ZFAT: variants seen among roughly 807,000 people sequenced by gnomAD.
ZFAT encodes the protein zinc finger protein ZFAT.
Under a neutral mutation model 117.7 loss-of-function variants are expected in ZFAT, and 64 were observed. The ratio of observed to expected loss-of-function variants is 0.54; its 90% CI spans 0.44 to 0.67. The LOEUF (loss-of-function observed/expected upper bound fraction) is 0.67. ZFAT is among the 30% of genes least tolerant of loss of function. ZFAT has a pLI of 0.00. For missense variants in ZFAT, 1,433 were observed against 1,584.5 expected (o/e 0.90, Z 1.62); for synonymous variants, 679 against 615.0 (o/e 1.10, Z -1.54).
At chr8:134,553,752 T>C (rs757939899) in intron 11 of ZFAT, among the ~76,000 whole-genome samples, 10 of 152,342 alleles carry the variant, frequency 6.6e-5, no homozygotes, top group East Asian at 1.9e-4. Flanking sequence ...ACTTCCTGAC[T>C]AATCACAATG....
chr8:134,796,923 T>C, the ZFAT span: 1 of 152,212 alleles, frequency 6.6e-6, no homozygotes, highest in East Asian at 1.9e-4. Flanking sequence ...CATCTAATCA[T>C]GACATTGTAT....
At chr8:134,687,439 T>A (rs556845702) in intron 1 of ZFAT, among the ~76,000 whole-genome samples, 1 of 152,376 alleles carries the variant, frequency 6.6e-6, no homozygotes, top group Non-Finnish European at 1.5e-5. Context: ...TTCTTTTAAG[T>A]TATTTTTAAG....
chr8:134,491,526 A>C (rs1818056444), intron 15 of ZFAT, among the ~76,000 whole-genome samples: 1 of 152,240 alleles, frequency 6.6e-6, no homozygotes. Context: ...CTGAGCTAAA[A>C]TCAACATTTC....
chr8:134,777,730 G>T, the ZFAT span, among the ~76,000 whole-genome samples: 1 of 152,088 alleles, frequency 6.6e-6, no homozygotes, highest in Admixed American at 6.5e-5. Flanking sequence ...TATGTAGAAA[G>T]GAAAATTTAG....
At chr8:134,824,722 T>C in the ZFAT span, among the ~76,000 whole-genome samples, 2 of 152,182 alleles carry the variant, frequency 1.3e-5, no homozygotes, top group East Asian at 3.8e-4. Flanking sequence ...GAACTAATCA[T>C]ATAGCATGAG....
At chr8:134,808,509 G>A in the ZFAT span, among the ~76,000 whole-genome samples, 1 of 152,200 alleles carries the variant, frequency 6.6e-6, no homozygotes, top group Non-Finnish European at 1.5e-5. Context: ...AGTACCTGGT[G>A]ACTCTGAAGA....
chr8:134,536,736 A>G (rs1821869777), intron 11 of ZFAT, among the ~76,000 whole-genome samples: 1 of 152,240 alleles, frequency 6.6e-6, no homozygotes, highest in Admixed American at 6.5e-5. Flanking sequence ...AATGAGGCAG[A>G]TTTGTGATTC....
chr8:134,641,474 G>A (rs1012621647), intron 2 of ZFAT, among the ~76,000 whole-genome samples: 1 of 152,088 alleles, frequency 6.6e-6, no homozygotes, highest in African/African-American at 2.4e-5. Context: ...CCTCCTCCAT[G>A]AGGTGTCCCC....
intron 11 of ZFAT, among the ~76,000 whole-genome samples, chr8:134,540,539 C>T (rs1256419574): frequency 6.6e-6 from 1 of 152,222 alleles, no homozygotes; most frequent in Non-Finnish European, 1.5e-5. Flanking sequence ...GGCTGCCTGC[C>T]TGCAGCATGC....
chr8:134,680,872 C>G (rs1431491622), intron 1 of ZFAT, among the ~76,000 whole-genome samples: 1 of 152,124 alleles, frequency 6.6e-6, no homozygotes, highest in Non-Finnish European at 1.5e-5. Flanking sequence ...ATGTAAACCA[C>G]TTTTGGGTAA....
intron 12 of ZFAT, 54 bp downstream of exon 12, chr8:134,532,780 G>A (rs1821516658): frequency 1.9e-6 from 3 of 1,591,740 alleles, no homozygotes; most frequent in Admixed American, 1.7e-5. Flanking sequence ...CCCAATGGGG[G>A]ACTTGGCCTA....
At chr8:134,582,929 A>G (rs1400259126) in intron 10 of ZFAT, among the ~76,000 whole-genome samples, 1 of 152,236 alleles carries the variant, frequency 6.6e-6, no homozygotes, top group Non-Finnish European at 1.5e-5. Context: ...ATAACAATAC[A>G]TTTATAAAGT....
the ZFAT span, among the ~76,000 whole-genome samples, chr8:134,733,477 C>G: frequency 6.6e-6 from 1 of 152,208 alleles, no homozygotes. Flanking sequence ...GATGAATGGG[C>G]GAGGCCCTGG....
intron 1 of ZFAT, among the ~76,000 whole-genome samples, chr8:134,669,505 C>T (rs1353601259): frequency 6.6e-5 from 10 of 152,144 alleles, no homozygotes; most frequent in Non-Finnish European, 7.3e-5. Context: ...CCAAACTAAG[C>T]TTCATAAGTG....
rs1411226536 is a variant in ZFAT at position 134,478,358 on chromosome 8, G to A, written c.*124C>T. 2.1e-6 allele frequency: 3 copies of A among 1,408,404 alleles called. No homozygotes were observed. Among genetic ancestry groups the A allele is most frequent in the Non-Finnish European group, 2.8e-6 (3 of 1,062,550 alleles). 87.2% of individuals were successfully genotyped at this position (1,408,404 alleles called of 1,614,324 possible). A position where few individuals can be genotyped will look rare whatever the true frequency, so the allele number is the denominator to read the frequency against. ...TGGACTAGGAGAGTCCTATCAGGCTGCTGGGCAGGGAGGGCAAAGGAGAGC... is the reference window on the plus strand; with the variant it reads ...TGGACTAGGAGAGTCCTATCAGGCTACTGGGCAGGGAGGGCAAAGGAGAGC... On this transcript the variant is annotated 3_prime_UTR_variant, in exon 16 of 16. Transcript: ENST00000377838. This position sits in a 1 kb window ranked among gnomAD's most constrained non-coding sequence, Gnocchi z 5.2.
At chr8:134,607,432 C>T (rs1827971364) in intron 5 of ZFAT, among the ~76,000 whole-genome samples, 1 of 152,212 alleles carries the variant, frequency 6.6e-6, no homozygotes, top group Non-Finnish European at 1.5e-5. Flanking sequence ...CTCTTATTCT[C>T]ACTACTAAAC....
chr8:134,662,824 C>T (rs1831999622), intron 1 of ZFAT, among the ~76,000 whole-genome samples: 1 of 152,248 alleles, frequency 6.6e-6, no homozygotes, highest in Non-Finnish European at 1.5e-5. Flanking sequence ...GGAGGCAGCC[C>T]AGTGTGTCCT....
At chr8:134,546,173 G>A (rs115871153) in intron 11 of ZFAT, among the ~76,000 whole-genome samples, 3,025 of 152,302 alleles carry the variant, frequency 0.02, 115 homozygotes, top group African/African-American at 0.069. Context: ...TTCCAAAAAT[G>A]AGGCTATAGT....
At chr8:134,764,349 C>T in the ZFAT span, among the ~76,000 whole-genome samples, 2 of 152,206 alleles carry the variant, frequency 1.3e-5, no homozygotes, top group African/African-American at 2.4e-5. Flanking sequence ...GGATAATATA[C>T]ATAAGACAGA....
Sources: gnomAD v4.1 joint callset for allele counts (sites outside exome capture counted in the v4.1 genomes callset) on GRCh38, gnomAD v4.1.1 for gene constraint, Gnocchi (gnomAD v3.1) non-coding constraint, MANE v1.5 for transcripts, NCBI Gene and HGNC (gene_info 2026-07-23, HGNC 2026-07-21) for gene names.